PDE7A: variants seen among roughly 807,000 people sequenced by gnomAD.
The protein encoded by PDE7A is high affinity 3',5'-cyclic-AMP phosphodiesterase 7A.
In PDE7A, 39 loss-of-function variants were observed where a neutral mutation model predicts 64.3. The observed-to-expected ratio is 0.61, with a 90% CI of 0.47 to 0.79. The LOEUF (loss-of-function observed/expected upper bound fraction) is 0.79. Ranked by LOEUF, PDE7A falls within the 30% of genes least tolerant of loss-of-function variation. The pLI, the probability that PDE7A is intolerant of heterozygous loss-of-function variation, is 0.00. For synonymous variants in PDE7A, 203 were observed against 206.8 expected (o/e 0.98, Z 0.16); for missense variants, 470 against 582.8 (o/e 0.81, Z 1.99).
chr8:65,767,765 C>G (rs1322308608), intron 3 of PDE7A, among the ~76,000 whole-genome samples: 1 of 152,112 alleles, frequency 6.6e-6, no homozygotes, highest in African/African-American at 2.4e-5. Flanking sequence ...CCCCTTCCCC[C>G]ATACCTCACC....
At chr8:65,777,358 C>T (rs955342041) in intron 3 of PDE7A, among the ~76,000 whole-genome samples, 1 of 152,052 alleles carries the variant, frequency 6.6e-6, no homozygotes, top group Non-Finnish European at 1.5e-5. Flanking sequence ...GGATTACAAG[C>T]GTGAGCCACA....
intron 6 of PDE7A, among the ~76,000 whole-genome samples, chr8:65,739,020 G>C (rs1347177359): frequency 6.6e-6 from 1 of 152,242 alleles, no homozygotes; most frequent in Non-Finnish European, 1.5e-5. Context: ...GCTGCATGCA[G>C]AAGTGAAGGT....
intron 1 of PDE7A, among the ~76,000 whole-genome samples, chr8:65,798,066 C>T (rs1366034748): frequency 6.7e-6 from 1 of 149,250 alleles, no homozygotes; most frequent in Non-Finnish European, 1.5e-5. Flanking sequence ...TATAAAAAGG[C>T]ACAGACTCAG....
chr8:65,818,253 C>T (rs76125340), intron 1 of PDE7A, among the ~76,000 whole-genome samples: 7,676 of 152,032 alleles, frequency 0.05, 534 homozygotes, highest in African/African-American at 0.16. Context: ...CCCTCTGTTT[C>T]TTTACGTCTT....
intron 7 of PDE7A, among the ~76,000 whole-genome samples, chr8:65,733,879 G>A (rs767001005): frequency 1.3e-3 from 198 of 152,234 alleles, no homozygotes; most frequent in Middle Eastern, 6.8e-3. Context: ...TAACACCTTA[G>A]CCAGAACTAA....
chr8:65,826,475 G>A (rs1416796838), intron 1 of PDE7A, among the ~76,000 whole-genome samples: 2 of 152,166 alleles, frequency 1.3e-5, no homozygotes, highest in Non-Finnish European at 2.9e-5. Context: ...CCTAGCTTCA[G>A]GTGCCATCAC....
In PDE7A at chr8:65,752,582, T is replaced by C. The variant is rs76936614; in HGVS notation, c.284-4779A>G. Among the ~76,000 whole-genome samples the C allele has an allele frequency of 0.012, 1,900 of 152,272 alleles. 90 individuals carry two copies. In the East Asian group the frequency reaches 0.13, roughly 11 times the overall value. ...TTTTGTATGGCCGCCCACAGAATTC[T>C]TTCTTTCTCTTTAAAGGCCAATTAC... On this transcript the variant is annotated intron_variant, in intron 3 of 12. Transcript: ENST00000401827.
intron 1 of PDE7A, among the ~76,000 whole-genome samples, chr8:65,834,058 T>C (rs753455468): frequency 2.6e-5 from 4 of 152,210 alleles, no homozygotes; most frequent in Admixed American, 6.5e-5. Context: ...TCAATATGGG[T>C]TTGACCTGCA....
intron 4 of PDE7A, among the ~76,000 whole-genome samples, chr8:65,747,396 T>G (rs1194744384): frequency 2.0e-5 from 3 of 152,234 alleles, no homozygotes; most frequent in Non-Finnish European, 4.4e-5. Flanking sequence ...AATGTTTTAT[T>G]GATCTCCTTG....
chr8:65,835,062 C>T (rs1810920495), intron 1 of PDE7A, among the ~76,000 whole-genome samples: 1 of 152,146 alleles, frequency 6.6e-6, no homozygotes, highest in Non-Finnish European at 1.5e-5. Flanking sequence ...TCAACAAAGT[C>T]TATGTTACTT....
chr8:65,736,790 G>GTT (rs34814975), intron 6 of PDE7A, among the ~76,000 whole-genome samples: 2,112 of 128,726 alleles, frequency 0.016, 33 homozygotes, highest in Middle Eastern at 0.025. Flanking sequence ...AAATTTATCT[G>GTT]TTTTTTTTTT....
At chr8:65,732,152 C>T (rs1194666815) in intron 7 of PDE7A, among the ~76,000 whole-genome samples, 1 of 152,064 alleles carries the variant, frequency 6.6e-6, no homozygotes, top group Non-Finnish European at 1.5e-5. Context: ...GCACCCGCCA[C>T]CATGCCCAGC....
At chr8:65,753,470 A>G (rs551380252) in intron 3 of PDE7A, among the ~76,000 whole-genome samples, 2 of 152,328 alleles carry the variant, frequency 1.3e-5, no homozygotes, top group East Asian at 3.9e-4. Context: ...CCAGATGTGG[A>G]AAGTGAAATA....
At chr8:65,786,078 T>C (rs1809549570) in intron 1 of PDE7A, among the ~76,000 whole-genome samples, 1 of 152,148 alleles carries the variant, frequency 6.6e-6, no homozygotes, top group African/African-American at 2.4e-5. Flanking sequence ...AATTTAGATA[T>C]TAAAATGGTA....
At chr8:65,786,704 A>G (rs1809567360) in intron 1 of PDE7A, among the ~76,000 whole-genome samples, 1 of 152,222 alleles carries the variant, frequency 6.6e-6, no homozygotes, top group Non-Finnish European at 1.5e-5. Flanking sequence ...TCAGTCATAA[A>G]ACTCTCAGAG....
At chr8:65,827,041 C>G (rs1223711104) in intron 1 of PDE7A, among the ~76,000 whole-genome samples, 1 of 152,166 alleles carries the variant, frequency 6.6e-6, no homozygotes, top group East Asian at 1.9e-4. Context: ...ATATTCTCAT[C>G]TTAACTACAT....
intron 1 of PDE7A, among the ~76,000 whole-genome samples, chr8:65,788,166 GAAA>G (rs1369466800): frequency 6.6e-6 from 1 of 151,842 alleles, no homozygotes; most frequent in African/African-American, 2.4e-5. Context: ...AATCTAGAAA[GAAA>G]AAAAGCTGTG....
At chr8:65,765,416 G>T (rs1444535558) in intron 3 of PDE7A, 1 of 146,042 alleles carries the variant, frequency 6.8e-6, no homozygotes, top group Non-Finnish European at 1.5e-5. Flanking sequence ...GTGAACCCGG[G>T]AGGCGGAGCT....
chr8:65,747,191 T>TAC (rs1212796766), intron 4 of PDE7A, among the ~76,000 whole-genome samples: 179 of 151,872 alleles, frequency 1.2e-3, no homozygotes, highest in Middle Eastern at 0.01. Flanking sequence ...ATGTTATTAA[T>TAC]ACACACACAC....
Sources: gnomAD v4.1 joint callset for allele counts (sites outside exome capture counted in the v4.1 genomes callset) on GRCh38, gnomAD v4.1.1 for gene constraint, MANE v1.5 for transcripts, NCBI Gene and HGNC (gene_info 2026-07-23, HGNC 2026-07-21) for gene names.